The following DYTN variants were observed in gnomAD, a reference collection of about 807,000 sequenced individuals.
DYTN encodes dystrotelin.
In DYTN, 75 loss-of-function variants were observed where a neutral mutation model predicts 69.6. That is an observed-to-expected ratio of 1.08 (90% confidence interval 0.89 to 1.31). The LOEUF (loss-of-function observed/expected upper bound fraction) is 1.31, where lower values mean the gene tolerates loss of function less well. Among genes scored for constraint, DYTN ranks in the 50% most tolerant of loss-of-function variants. The probability of loss-of-function intolerance (pLI) is 0.00; values close to 1 mark genes in which losing one functional copy is unlikely to be tolerated. For missense variants in DYTN, 726 were observed against 688.4 expected (o/e 1.05, Z -0.61); for synonymous variants, 252 against 249.1 (o/e 1.01, Z -0.11).
At chr2:206,697,544 AG>A (rs1189211463) in intron 7 of DYTN, among the ~76,000 whole-genome samples, 2 of 152,210 alleles carry the variant, frequency 1.3e-5, no homozygotes, top group Non-Finnish European at 2.9e-5. Flanking sequence ...ATAAGTTTAA[AG>A]TTAGGATTAT....
At chr2:206,706,986 A>G (rs1319400755) in intron 3 of DYTN, among the ~76,000 whole-genome samples, 10 of 152,086 alleles carry the variant, frequency 6.6e-5, no homozygotes, top group African/African-American at 2.4e-4. Context: ...GTCGCTTTTC[A>G]CATGTGTATA....
At chr2:206,679,692 G>A (rs1470082541) in intron 9 of DYTN, among the ~76,000 whole-genome samples, 1 of 152,036 alleles carries the variant, frequency 6.6e-6, no homozygotes, top group Non-Finnish European at 1.5e-5. Context: ...CACATCTAAA[G>A]AACAGATAAA....
In DYTN at chr2:206,671,915, A is replaced by G. The variant is rs547095291; in HGVS notation, c.981-5886T>C. Among the ~76,000 whole-genome samples, 4 of 152,342 alleles carry G rather than the reference A, an allele frequency of 2.6e-5. No individual in the cohort carries two copies. The South Asian group carries it at 8.3e-4, about 32-fold the overall frequency. On this transcript the variant is annotated intron_variant, in intron 9 of 11. Transcript: ENST00000452335. ...TTTCCAATATTTCAAAATCTTCAAAATGAAAAGCAATGCTGTAGTAAACAT... is the reference window on the plus strand; with the variant it reads ...TTTCCAATATTTCAAAATCTTCAAAGTGAAAAGCAATGCTGTAGTAAACAT...
chr2:206,702,024 A>C (rs16838613), intron 5 of DYTN, among the ~76,000 whole-genome samples: 41,873 of 152,144 alleles, frequency 0.28, 5,987 homozygotes, highest in East Asian at 0.43. Flanking sequence ...GTCTCACTCC[A>C]GGACTCTTAC....
intron 9 of DYTN, chr2:206,679,054 G>A (rs16838518): frequency 0.11 from 16,834 of 151,986 alleles, 1,045 homozygotes; most frequent in East Asian, 0.21. Context: ...TGTTGACCCC[G>A]AGACATTCTT....
intron 1 of DYTN, among the ~76,000 whole-genome samples, chr2:206,713,984 A>G (rs1267376751): frequency 6.6e-6 from 1 of 152,216 alleles, no homozygotes; most frequent in East Asian, 1.9e-4. Flanking sequence ...ACAGGCCCTG[A>G]GCAAAAATGA....
intron 11 of DYTN, among the ~76,000 whole-genome samples, chr2:206,656,036 T>G (rs1198395402): frequency 1.3e-5 from 2 of 152,176 alleles, no homozygotes; most frequent in East Asian, 3.9e-4. Flanking sequence ...ATTTCCTTAT[T>G]GATTTTCTGT....
At chr2:206,674,026 C>T (rs931155750) in intron 9 of DYTN, among the ~76,000 whole-genome samples, 11 of 152,094 alleles carry the variant, frequency 7.2e-5, no homozygotes, top group African/African-American at 2.2e-4. Context: ...ATAGTTCTTA[C>T]CTGGATAGAC....
At chr2:206,655,323 G>C (rs993372697) in intron 11 of DYTN, among the ~76,000 whole-genome samples, 1 of 149,490 alleles carries the variant, frequency 6.7e-6, no homozygotes, top group Admixed American at 6.7e-5. Context: ...ATAGTTCACT[G>C]TAACTTTGAA....
At chr2:206,704,380 G>A (rs938453025) in intron 5 of DYTN, among the ~76,000 whole-genome samples, 3 of 152,202 alleles carry the variant, frequency 2.0e-5, no homozygotes, top group Non-Finnish European at 4.4e-5. Flanking sequence ...GGAGAACTTG[G>A]TGCATGTCAG....
intron 7 of DYTN, 24 bp downstream of exon 7, chr2:206,699,703 A>G: frequency 6.2e-7 from 1 of 1,602,316 alleles, no homozygotes; most frequent in Non-Finnish European, 8.5e-7. Flanking sequence ...ATGATAATCC[A>G]AGAAATGCTG....
intron 9 of DYTN, among the ~76,000 whole-genome samples, chr2:206,681,435 C>T (rs927337078): frequency 3.3e-5 from 5 of 152,158 alleles, no homozygotes; most frequent in African/African-American, 1.2e-4. Flanking sequence ...TAAGAGAGGG[C>T]ATCCTTGTCT....
At chr2:206,679,780 T>G (rs1316645825) in intron 9 of DYTN, among the ~76,000 whole-genome samples, 1 of 152,168 alleles carries the variant, frequency 6.6e-6, no homozygotes, top group Non-Finnish European at 1.5e-5. Context: ...GATTATTCTG[T>G]GATATACTTA....
chr2:206,667,092 A>C (rs541504177), intron 9 of DYTN, among the ~76,000 whole-genome samples: 210 of 152,230 alleles, frequency 1.4e-3, no homozygotes, highest in Middle Eastern at 3.4e-3. Flanking sequence ...CAATTCTTTA[A>C]AACAAAAGTC....
At chr2:206,698,406 G>T (rs563027162) in intron 7 of DYTN, among the ~76,000 whole-genome samples, 62 of 152,190 alleles carry the variant, frequency 4.1e-4, no homozygotes, top group African/African-American at 1.5e-3. Context: ...GGTTAGCTAG[G>T]GTCAGGAAGC....
intron 11 of DYTN, among the ~76,000 whole-genome samples, chr2:206,658,998 T>TTC (rs1661707119): frequency 1.3e-5 from 2 of 151,636 alleles, no homozygotes; most frequent in Admixed American, 6.6e-5. Context: ...TTTTTTTTTT[T>TTC]TTGCCACAGC....
At chr2:206,674,146 T>C (rs1358301033) in intron 9 of DYTN, among the ~76,000 whole-genome samples, 3 of 152,124 alleles carry the variant, frequency 2.0e-5, no homozygotes, top group Non-Finnish European at 4.4e-5. Flanking sequence ...GGCTGACCAG[T>C]AGTTGTGTAT....
Position 206,651,745 on chromosome 2 carries a change from TTA to T in DYTN, c.*71_*72del. 1.5e-6 allele frequency: 2 copies of T among 1,366,422 alleles called. No homozygotes were observed. Among genetic ancestry groups the T allele is most frequent in the Non-Finnish European group, 2.1e-6 (2 of 968,962 alleles). The allele number at this position is 1,366,422 out of a possible 1,614,324, so 84.6% of individuals were successfully genotyped here. A position where few individuals can be genotyped will look rare whatever the true frequency, so the allele number is the denominator to read the frequency against. On this transcript the variant is annotated 3_prime_UTR_variant, in exon 12 of 12. Coordinates refer to ENST00000452335, the MANE Select transcript of DYTN (RefSeq NM_001093730.1). ...AACTATTAAAAGAAAGGTAGAAGTC[TTA>T]ATTCTTTTAATACAGTTGTGCAACT...
At chr2:206,695,540 G>A (rs59756883) in intron 7 of DYTN, among the ~76,000 whole-genome samples, 1 of 152,282 alleles carries the variant, frequency 6.6e-6, no homozygotes, top group East Asian at 1.9e-4. Context: ...AAATCCCTTT[G>A]TGGTCAGAAG....
Sources: gnomAD v4.1 joint callset for allele counts (sites outside exome capture counted in the v4.1 genomes callset) on GRCh38, gnomAD v4.1.1 for gene constraint, MANE v1.5 for transcripts, NCBI Gene and HGNC (gene_info 2026-07-23, HGNC 2026-07-21) for gene names.